NDST1: variants seen among roughly 807,000 people sequenced by gnomAD.
NDST1 encodes bifunctional heparan sulfate N-deacetylase/N-sulfotransferase 1.
In NDST1, 35 loss-of-function variants were observed where a neutral mutation model predicts 92.8. The ratio of observed to expected loss-of-function variants is 0.38; its 90% confidence interval spans 0.29 to 0.50. NDST1 has a LOEUF of 0.50. Among genes scored for constraint, NDST1 ranks in the 20% least tolerant of loss-of-function variants. The probability of loss-of-function intolerance (pLI) is 0.94; values close to 1 mark genes in which losing one functional copy is unlikely to be tolerated. For missense variants in NDST1, 822 were observed against 1,182.7 expected, an observed-to-expected ratio of 0.69 and a Z score of 4.47; for synonymous variants, 493 against 500.3, an observed-to-expected ratio of 0.99 and a Z score of 0.19.
At position 150,541,673 on chromosome 5, in the gene NDST1, C is replaced by T; in HGVS notation, c.1846+7C>T. 6.2e-7 allele frequency: 1 copy of T among 1,613,674 alleles called. No individual in the cohort carries two copies. Among genetic ancestry groups the T allele is most frequent in the Non-Finnish European group, 8.5e-7 (1 of 1,179,590 alleles). On this transcript the variant is annotated splice_region_variant and intron_variant, in intron 9 of 14. Coordinates refer to ENST00000261797, the MANE Select transcript of NDST1 (RefSeq NM_001543.5). ...ATCGGCCCCCAGAAAACAGGCAGGT[C>T]TCTCTGCTCTTGACCGAGCTTCCCC...
intron 2 of NDST1, among the ~76,000 whole-genome samples, chr5:150,525,125 C>T (rs1754412897): frequency 6.6e-6 from 1 of 152,188 alleles, no homozygotes; most frequent in African/African-American, 2.4e-5. Flanking sequence ...GACTTGGTGT[C>T]TCCGGAGTGG....
intron 12 of NDST1, 117 bp downstream of exon 12, chr5:150,548,505 G>T: frequency 1.8e-6 from 2 of 1,119,844 alleles, no homozygotes; most frequent in Non-Finnish European, 2.6e-6. Flanking sequence ...TCCTTGGAGA[G>T]CTAGACCCTT....
At chr5:150,519,948 G>T (rs941753850) in intron 1 of NDST1, among the ~76,000 whole-genome samples, 1 of 152,126 alleles carries the variant, frequency 6.6e-6, no homozygotes. Flanking sequence ...AGTTATGGCT[G>T]CCTGGGTGGA....
chr5:150,509,313 T>C (rs1188169663), intron 1 of NDST1, among the ~76,000 whole-genome samples: 1 of 152,122 alleles, frequency 6.6e-6, no homozygotes, highest in Non-Finnish European at 1.5e-5. Context: ...GTGATAAAAT[T>C]GTTTTTACTT....
intron 1 of NDST1, among the ~76,000 whole-genome samples, chr5:150,514,134 C>T (rs1023432944): frequency 7.2e-5 from 11 of 152,216 alleles, no homozygotes; most frequent in African/African-American, 2.2e-4. Context: ...TATCTCCCAC[C>T]CATGGGTTCT....
intron 3 of NDST1, among the ~76,000 whole-genome samples, chr5:150,531,381 C>T (rs1398903598): frequency 2.0e-5 from 3 of 152,100 alleles, no homozygotes; most frequent in Non-Finnish European, 2.9e-5. Context: ...GTCCACCAGG[C>T]GGTGCACGGC....
chr5:150,541,553 T>G lies in NDST1; in HGVS notation c.1750-17T>G, dbSNP rs763895911. ...GGTTCTGGGGCGCCCCACACATCCC[T>G]TCCACTGTTGTTTTAGGACCCCTGC... On this transcript the variant is annotated splice_polypyrimidine_tract_variant and intron_variant, in intron 8 of 14. Transcript: ENST00000261797. 2 of 1,613,504 alleles carry G rather than the reference T, an allele frequency of 1.2e-6. No individual in the cohort carries two copies. The highest frequency in any genetic ancestry group is 2.7e-5 in the African/African-American group (2 of 74,912).
upstream of NDST1, among the ~76,000 whole-genome samples, chr5:150,507,063 G>T (rs73799055): frequency 6.5e-3 from 985 of 152,316 alleles, 15 homozygotes; most frequent in African/African-American, 0.023. Flanking sequence ...GTCCATCTGA[G>T]CCATTCTTTC....
chr5:150,546,961 G>A (rs1561607946), intron 11 of NDST1, among the ~76,000 whole-genome samples: 1 of 152,212 alleles, frequency 6.6e-6, no homozygotes, highest in Non-Finnish European at 1.5e-5. Context: ...TGCAGGGAAT[G>A]GGCAGTCTGC....
At chr5:150,510,547 C>T (rs1288330721) in intron 1 of NDST1, among the ~76,000 whole-genome samples, 2 of 152,184 alleles carry the variant, frequency 1.3e-5, no homozygotes, top group East Asian at 1.9e-4. Context: ...GGTGACCTGC[C>T]GTGTTCCCCA....
Position 150,541,689 on chromosome 5 carries a change from G to C in NDST1, c.1846+23G>C, listed in dbSNP as rs2304063. On this transcript the variant is annotated intron_variant, in intron 9 of 14. Transcript: ENST00000261797. Reference sequence around the variant, plus strand: ...CAGGCAGGTCTCTCTGCTCTTGACCGAGCTTCCCCAACTGCCTGCTGTCTC... The same window carrying C: ...CAGGCAGGTCTCTCTGCTCTTGACCCAGCTTCCCCAACTGCCTGCTGTCTC... 676,403 of 1,608,094 alleles carry C rather than the reference G, an allele frequency of 0.42. 144,614 individuals are homozygous for C. Among genetic ancestry groups the C allele is most frequent in the East Asian group, 0.48 (21,379 of 44,790 alleles).
At chr5:150,547,648 G>A (rs1314873263) in intron 11 of NDST1, among the ~76,000 whole-genome samples, 1 of 152,142 alleles carries the variant, frequency 6.6e-6, no homozygotes, top group Non-Finnish European at 1.5e-5. Context: ...CATGTTCAGG[G>A]CCTGTTGCAC....
intron 7 of NDST1, 141 bp from the exon 8 acceptor site, chr5:150,539,940 GT>G: frequency 7.9e-7 from 1 of 1,259,226 alleles, no homozygotes. Context: ...CTCGCAGCGA[GT>G]TTGTTGACAG....
chr5:150,534,895 TCTG>T lies in NDST1; in HGVS notation c.1132_1134del (p.Leu378del). 1 of 1,614,266 alleles carries T rather than the reference TCTG, an allele frequency of 6.2e-7. No homozygotes were observed. Among genetic ancestry groups the T allele is most frequent in the Non-Finnish European group, 8.5e-7 (1 of 1,180,054 alleles). ...CCAATGCTGAGGACGCTGGGGATGA[TCTG>T]CTGCTGTCGTATGTGAAGGAGTTCT... On this transcript the variant is annotated inframe_deletion, in exon 5 of 15. Coordinates refer to ENST00000261797, the MANE Select transcript of NDST1 (RefSeq NM_001543.5).
chr5:150,540,641 C>G (rs1288391564), intron 8 of NDST1, among the ~76,000 whole-genome samples: 1 of 152,054 alleles, frequency 6.6e-6, no homozygotes, highest in Admixed American at 6.5e-5. Flanking sequence ...TATGGCGAAA[C>G]CCTGTCTCTA....
At chr5:150,511,918 G>C (rs1753741595) in intron 1 of NDST1, among the ~76,000 whole-genome samples, 1 of 151,822 alleles carries the variant, frequency 6.6e-6, no homozygotes, top group African/African-American at 2.4e-5. Flanking sequence ...GGCTGGTGGA[G>C]CTGGGAAGCT....
intron 6 of NDST1, among the ~76,000 whole-genome samples, chr5:150,537,407 C>T (rs546436780): frequency 5.3e-5 from 8 of 152,290 alleles, no homozygotes; most frequent in East Asian, 3.9e-4. Context: ...GAAGAGAATG[C>T]GTTCCCAAGA....
chr5:150,543,286 A>G (rs1036485771), intron 10 of NDST1, among the ~76,000 whole-genome samples: 1 of 152,220 alleles, frequency 6.6e-6, no homozygotes, highest in Non-Finnish European at 1.5e-5. Flanking sequence ...CAGGGTCCCA[A>G]GGTCGGAAAT....
At chr5:150,539,473 G>A (rs1755145599) in intron 7 of NDST1, 117 bp downstream of exon 7, 1 of 1,595,198 alleles carries the variant, frequency 6.3e-7, no homozygotes, top group Non-Finnish European at 8.5e-7. Context: ...TGAGTGCCTG[G>A]CAGTTGGGAG....
Sources: gnomAD v4.1 joint callset for allele counts (sites outside exome capture counted in the v4.1 genomes callset) on GRCh38, gnomAD v4.1.1 for gene constraint, MANE v1.5 for transcripts, NCBI Gene and HGNC (gene_info 2026-07-23, HGNC 2026-07-21) for gene names.